Variants in CDH9 observed in about 807,000 individuals in gnomAD.
CDH9 encodes cadherin 9.
CDH9 carries 28 observed loss-of-function variants against 70.9 expected under a neutral mutation model. That is an observed-to-expected ratio of 0.40 (90% CI 0.29 to 0.54). The LOEUF is 0.54. Among genes scored for constraint, CDH9 ranks in the 20% least tolerant of loss-of-function variants. The pLI is 0.59. For missense variants in CDH9, 874 were observed against 984.4 expected (o/e 0.89, Z 1.50); for synonymous variants, 409 against 343.1 (o/e 1.19, Z -2.12).
chr5:26,951,688 G>A (rs1741848223), intron 2 of CDH9, among the ~76,000 whole-genome samples: 1 of 152,054 alleles, frequency 6.6e-6, no homozygotes, highest in South Asian at 2.1e-4. Context: ...TTTTTCTCTG[G>A]ATTGTATATC....
At chr5:26,954,384 C>CTTTTT (rs141394776) in intron 2 of CDH9, among the ~76,000 whole-genome samples, 18 of 18,362 alleles carry the variant, frequency 9.8e-4, no homozygotes, top group Non-Finnish European at 2.4e-3. Context: ...ATTATACAGC[C>CTTTTT]TTTCTTTTTT....
At chr5:26,987,429 A>G (rs758793369) in intron 2 of CDH9, among the ~76,000 whole-genome samples, 48 of 151,958 alleles carry the variant, frequency 3.2e-4, no homozygotes, top group Non-Finnish European at 4.9e-4. Context: ...TCACGCCACT[A>G]AAGAAAGAAA....
intron 11 of CDH9, among the ~76,000 whole-genome samples, chr5:26,884,014 T>C (rs1211824385): frequency 6.6e-6 from 1 of 152,062 alleles, no homozygotes; most frequent in Non-Finnish European, 1.5e-5. Context: ...AAAATAACAA[T>C]AAAGTGCTTT....
At chr5:26,964,873 G>A (rs1742102818) in intron 2 of CDH9, among the ~76,000 whole-genome samples, 1 of 149,396 alleles carries the variant, frequency 6.7e-6, no homozygotes, top group Non-Finnish European at 1.5e-5. Context: ...TTATGAGTGA[G>A]AACATGTGGT....
chr5:26,978,920 G>A (rs776405379), intron 2 of CDH9, among the ~76,000 whole-genome samples: 79 of 151,666 alleles, frequency 5.2e-4, no homozygotes, highest in Admixed American at 1.8e-3. Context: ...TTTCAAAAAT[G>A]AAAATGAAAT....
intron 1 of CDH9, among the ~76,000 whole-genome samples, chr5:27,001,844 ACTCT>A (rs141271541): frequency 0.31 from 43,517 of 141,888 alleles, 7,161 homozygotes; most frequent in Non-Finnish European, 0.39. Context: ...ACACACACAC[ACTCT>A]CTCTCTCTCT....
intron 7 of CDH9, 192 bp from the exon 8 acceptor site, chr5:26,890,756 C>A: frequency 1.9e-6 from 1 of 538,366 alleles, no homozygotes. Context: ...TTTCTACTTA[C>A]TATATTATCC....
intron 2 of CDH9, among the ~76,000 whole-genome samples, chr5:26,925,202 CT>C (rs1486668490): frequency 6.6e-6 from 1 of 152,182 alleles, no homozygotes; most frequent in Admixed American, 6.5e-5. Context: ...TCCACATCCT[CT>C]CCAGCATCTC....
intron 1 of CDH9, among the ~76,000 whole-genome samples, chr5:27,003,836 A>C (rs1485839497): frequency 6.6e-6 from 1 of 152,040 alleles, no homozygotes; most frequent in Non-Finnish European, 1.5e-5. Context: ...TAAATTAAGG[A>C]AATCTGAATA....
At chr5:27,005,137 GTAT>G (rs1229366266) in intron 1 of CDH9, among the ~76,000 whole-genome samples, 1 of 152,062 alleles carries the variant, frequency 6.6e-6, no homozygotes, top group Non-Finnish European at 1.5e-5. Flanking sequence ...AAATCTTTAA[GTAT>G]TATTAATGGT....
chr5:26,965,183 CA>C (rs565227384), intron 2 of CDH9, among the ~76,000 whole-genome samples: 2 of 152,042 alleles, frequency 1.3e-5, no homozygotes, highest in South Asian at 4.2e-4. Flanking sequence ...GTTATTCTAT[CA>C]AAAAAATGAA....
At chr5:26,930,883 CTTTG>C (rs991982169) in intron 2 of CDH9, among the ~76,000 whole-genome samples, 4 of 151,916 alleles carry the variant, frequency 2.6e-5, no homozygotes, top group African/African-American at 9.7e-5. Context: ...AAATGTATTT[CTTTG>C]TTTATTTTAG....
At chr5:26,988,047 G>A in intron 2 of CDH9, 59 bp downstream of exon 2, 1 of 1,277,500 alleles carries the variant, frequency 7.8e-7, no homozygotes, top group Non-Finnish European at 1.1e-6. Flanking sequence ...AAAAGTTGCT[G>A]GAAAAAAATA....
At chr5:27,019,866 T>A (rs936541770) in intron 1 of CDH9, among the ~76,000 whole-genome samples, 1 of 151,900 alleles carries the variant, frequency 6.6e-6, no homozygotes, top group Non-Finnish European at 1.5e-5. Flanking sequence ...ATTCTTAATA[T>A]TCGTCTACCA....
intron 3 of CDH9, among the ~76,000 whole-genome samples, chr5:26,910,219 TCATC>T (rs1475405911): frequency 8.8e-6 from 1 of 113,132 alleles, no homozygotes; most frequent in Non-Finnish European, 1.9e-5. Flanking sequence ...CTCGTATCTA[TCATC>T]CATCTATCTA....
At chr5:26,975,504 T>A (rs577125483) in intron 2 of CDH9, among the ~76,000 whole-genome samples, 2 of 152,298 alleles carry the variant, frequency 1.3e-5, no homozygotes, top group South Asian at 4.1e-4. Context: ...AGAGTTTATT[T>A]TGACTTAGCA....
At chr5:26,904,642 G>A (rs1475023104) in intron 5 of CDH9, among the ~76,000 whole-genome samples, 1 of 151,964 alleles carries the variant, frequency 6.6e-6, no homozygotes, top group Non-Finnish European at 1.5e-5. Context: ...AATTCTTTCT[G>A]ACTTCAAAGT....
intron 2 of CDH9, among the ~76,000 whole-genome samples, chr5:26,975,463 TAGTA>T (rs1209232264): frequency 3.9e-5 from 6 of 152,176 alleles, no homozygotes; most frequent in Non-Finnish European, 8.8e-5. Context: ...TGAACTGAAA[TAGTA>T]AGTATAGCTT....
chr5:26,924,960 A>G (rs1338092276), intron 2 of CDH9, among the ~76,000 whole-genome samples: 1 of 152,154 alleles, frequency 6.6e-6, no homozygotes, highest in Non-Finnish European at 1.5e-5. Context: ...ACTGATGGAC[A>G]TGTGGGTTGG....
Sources: gnomAD v4.1 joint callset for allele counts (sites outside exome capture counted in the v4.1 genomes callset) on GRCh38, gnomAD v4.1.1 for gene constraint, MANE v1.5 for transcripts, NCBI Gene and HGNC (gene_info 2026-07-23, HGNC 2026-07-21) for gene names.